Variants in ADAM29 observed in about 807,000 individuals in gnomAD.
The protein encoded by ADAM29 is ADAM metallopeptidase domain 29.
For synonymous variants in ADAM29, 367 were observed against 342.3 expected (o/e 1.07, Z -0.80); for missense variants, 969 against 1,001.8 (o/e 0.97, Z 0.44).
chr4:174,930,718 T>G (rs1473709551), intron 2 of ADAM29, among the ~76,000 whole-genome samples: 3 of 152,160 alleles, frequency 2.0e-5, no homozygotes, highest in Non-Finnish European at 2.9e-5. Flanking sequence ...ACTTTGAAAA[T>G]ATACTCTAGA....
chr4:174,972,949 G>C (rs1235661653), intron 4 of ADAM29, among the ~76,000 whole-genome samples: 1 of 152,122 alleles, frequency 6.6e-6, no homozygotes, highest in African/African-American at 2.4e-5. Context: ...TTCTCCCACA[G>C]GTGTCTAGAC....
At chr4:174,950,057 T>C (rs1488685765) in intron 4 of ADAM29, among the ~76,000 whole-genome samples, 7 of 152,192 alleles carry the variant, frequency 4.6e-5, no homozygotes, top group Admixed American at 4.6e-4. Context: ...CTTCAGTATC[T>C]CATTCTGTGA....
chr4:174,932,605 C>T (rs542755162), intron 3 of ADAM29, among the ~76,000 whole-genome samples: 10 of 152,262 alleles, frequency 6.6e-5, no homozygotes, highest in African/African-American at 2.4e-4. Context: ...TAAGTTTCAA[C>T]ATATGAATTT....
chr4:174,950,220 T>A (rs1332632498), intron 4 of ADAM29, among the ~76,000 whole-genome samples: 1 of 152,234 alleles, frequency 6.6e-6, no homozygotes, highest in Non-Finnish European at 1.5e-5. Flanking sequence ...ATCATTTATA[T>A]GTTCATGTCT....
At chr4:174,944,441 TA>T (rs1212292309) in intron 4 of ADAM29, among the ~76,000 whole-genome samples, 9 of 152,190 alleles carry the variant, frequency 5.9e-5, no homozygotes, top group South Asian at 2.1e-4. Context: ...TGGAATATTA[TA>T]TTTTTCTCTT....
intron 4 of ADAM29, among the ~76,000 whole-genome samples, chr4:174,964,957 T>G (rs1053306645): frequency 1.3e-5 from 2 of 151,998 alleles, no homozygotes; most frequent in African/African-American, 4.8e-5. Context: ...AGATGGTGGT[T>G]TATGGAAGTC....
chr4:174,965,523 C>CTA (rs1553977725), intron 4 of ADAM29, among the ~76,000 whole-genome samples: 1 of 112,590 alleles, frequency 8.9e-6, no homozygotes, highest in Non-Finnish European at 2.0e-5. Context: ...ATCTATCTAT[C>CTA]ATCTATCATC....
intron 2 of ADAM29, among the ~76,000 whole-genome samples, chr4:174,922,104 C>G (rs1235600437): frequency 6.6e-6 from 1 of 151,930 alleles, no homozygotes; most frequent in Non-Finnish European, 1.5e-5. Flanking sequence ...TTAAATATTT[C>G]CAATATGAAG....
intron 2 of ADAM29, among the ~76,000 whole-genome samples, chr4:174,927,095 A>G (rs964326643): frequency 1.3e-5 from 2 of 152,220 alleles, no homozygotes; most frequent in Non-Finnish European, 2.9e-5. Flanking sequence ...AGTGGCTAAG[A>G]AATACTCAAA....
chr4:174,972,966 A>G (rs1746552408), intron 4 of ADAM29, among the ~76,000 whole-genome samples: 1 of 152,222 alleles, frequency 6.6e-6, no homozygotes, highest in Admixed American at 6.5e-5. Flanking sequence ...AGACTGTGCC[A>G]GACCCATTCG....
At chr4:174,936,635 G>A (rs1195074155) in intron 3 of ADAM29, among the ~76,000 whole-genome samples, 1 of 151,856 alleles carries the variant, frequency 6.6e-6, no homozygotes, top group Non-Finnish European at 1.5e-5. Context: ...GAATGGCAAG[G>A]ATAAAATAAA....
chr4:174,965,012 C>T (rs1746066967), intron 4 of ADAM29, among the ~76,000 whole-genome samples: 1 of 152,126 alleles, frequency 6.6e-6, no homozygotes, highest in Non-Finnish European at 1.5e-5. Context: ...TTATTAGTTA[C>T]TGACTCACAC....
intron 4 of ADAM29, among the ~76,000 whole-genome samples, chr4:174,955,184 C>A (rs1355976238): frequency 6.6e-6 from 1 of 151,868 alleles, no homozygotes; most frequent in Admixed American, 6.6e-5. Flanking sequence ...AATCCAAGAA[C>A]AAGGTATGAA....
At chr4:174,966,642 G>A (rs1183415360) in intron 4 of ADAM29, among the ~76,000 whole-genome samples, 1 of 152,142 alleles carries the variant, frequency 6.6e-6, no homozygotes, top group Non-Finnish European at 1.5e-5. Flanking sequence ...CTGCCTTTCA[G>A]AACCACTGGG....
chr4:174,926,780 A>C (rs1743546655), intron 2 of ADAM29, among the ~76,000 whole-genome samples: 1 of 151,416 alleles, frequency 6.6e-6, no homozygotes, highest in Non-Finnish European at 1.5e-5. Context: ...CCCCAGTTTC[A>C]ATTTCTATTA....
chr4:174,934,368 C>T (rs1744084326), intron 3 of ADAM29, among the ~76,000 whole-genome samples: 1 of 151,986 alleles, frequency 6.6e-6, no homozygotes, highest in Admixed American at 6.6e-5. Flanking sequence ...TTCTCATTTG[C>T]TGATAATTTC....
At chr4:174,925,354 G>A (rs1485472379) in intron 2 of ADAM29, among the ~76,000 whole-genome samples, 1 of 146,962 alleles carries the variant, frequency 6.8e-6, no homozygotes, top group African/African-American at 2.5e-5. Flanking sequence ...ATGAAACTCT[G>A]TGCTATCTTT....
At chr4:174,946,485 A>C (rs1344662897) in intron 4 of ADAM29, among the ~76,000 whole-genome samples, 1 of 151,930 alleles carries the variant, frequency 6.6e-6, no homozygotes, top group East Asian at 1.9e-4. Flanking sequence ...GATGCCCTTT[A>C]TTTCTTTCAC....
Position 174,918,415 on chromosome 4 carries a change from G to T in ADAM29, c.-613G>T, listed in dbSNP as rs1228879124. ...TGTGAGTATCTCCTATAAAATAAAA[G>T]CTCTCCTGATGGCCTGTTCCTGCAC... On this transcript the variant is annotated 5_prime_UTR_variant, in exon 1 of 5. Transcript: ENST00000359240. The T allele has an allele frequency of 6.6e-6, 1 of 152,042 alleles. No homozygotes were observed. The highest frequency in any genetic ancestry group is 1.5e-5 in the Non-Finnish European group (1 of 68,008). 9.4% of individuals were successfully genotyped at this position (152,042 alleles called of 1,614,324 possible). A position where few individuals can be genotyped will look rare whatever the true frequency, so the allele number is the denominator to read the frequency against.
Sources: allele counts gnomAD v4.1 joint callset (sites outside exome capture counted in the v4.1 genomes callset), GRCh38; gene constraint gnomAD v4.1.1; transcripts MANE v1.5; gene names NCBI Gene and HGNC (gene_info 2026-07-23, HGNC 2026-07-21).